The following RHOT2 variants were observed in gnomAD, a reference collection of about 807,000 sequenced individuals.
RHOT2 encodes the protein mitochondrial Rho GTPase 2.
In RHOT2, 90 loss-of-function variants were observed where a neutral mutation model predicts 81.6. That is an observed-to-expected ratio of 1.10 (90% CI 0.93 to 1.31). RHOT2 has a LOEUF of 1.31. Among genes scored for constraint, RHOT2 ranks in the 40% most tolerant of loss-of-function variants. RHOT2 has a pLI of 0.00. For missense variants in RHOT2, 1,014 were observed against 841.9 expected, an observed-to-expected ratio of 1.20 and a Z score of -2.53; for synonymous variants, 512 against 370.9, an observed-to-expected ratio of 1.38 and a Z score of -4.37.
At position 668,669 on chromosome 16, in the gene RHOT2, G is replaced by A. The variant is rs1331737616; in HGVS notation, c.192G>A (p.Thr64=). 6.2e-7 allele frequency: 1 copy of A among 1,605,454 alleles called. No homozygotes were observed. Among genetic ancestry groups the A allele is most frequent in the Non-Finnish European group, 8.5e-7 (1 of 1,177,112 alleles). ...HIVDYSEAEQ[T]DEELREEIHK... ...TTGTCCCCCTAGAAGCCGAGCAGAC[G>A]GACGAGGAGCTGCGGGAGGAGATCC... Residue 64 remains threonine, a synonymous_variant, in exon 4 of 19, where the codon ACG becomes ACA. Transcript: ENST00000315082.
rs929361240 is a variant in RHOT2 at position 672,700 on chromosome 16, C to T, written c.1405-3C>T. On this transcript the variant is annotated splice_region_variant and splice_polypyrimidine_tract_variant and intron_variant, in intron 16 of 18. Coordinates refer to ENST00000315082, the MANE Select transcript of RHOT2 (RefSeq NM_138769.3). ...CCCTTCCTAAGGCCGCTGTCTGTCC[C>T]AGCTCTGTGAGGTGGGCACAGATGG... The T allele has an allele frequency of 6.2e-7, 1 of 1,612,146 alleles. No homozygotes were observed. The highest frequency in any genetic ancestry group is 8.5e-7 in the Non-Finnish European group (1 of 1,179,958).
rs2038731363 is a variant in RHOT2 at position 670,452 on chromosome 16, C to T, written c.439-4C>T. Reference sequence around the variant, plus strand: ...CTTCCCTGAGGCTGTTCCCACTTTCCCAGTGTTCGGCCAAGAACCTGAGGA... The same window carrying T: ...CTTCCCTGAGGCTGTTCCCACTTTCTCAGTGTTCGGCCAAGAACCTGAGGA... On this transcript the variant is annotated splice_region_variant and splice_polypyrimidine_tract_variant and intron_variant, in intron 7 of 18. Transcript: ENST00000315082. 1.9e-6 allele frequency: 3 copies of T among 1,605,460 alleles called. No individual in the cohort carries two copies. Among genetic ancestry groups the T allele is most frequent in the South Asian group, 2.2e-5 (2 of 90,118 alleles).
rs758845247 is a variant in RHOT2, at chr16:672,534, G to A, written c.1372G>A (p.Val458Met). 6.2e-7 allele frequency: 1 copy of A among 1,612,638 alleles called. No individual in the cohort carries two copies. The highest frequency in any genetic ancestry group is 1.3e-5 in the African/African-American group (1 of 75,058). Reference sequence around the variant, plus strand: ...GCCTCCCGGCTACGCCATCGACACGGTGCAGGTCAATGGACAGGAGAAGTA... The same window carrying A: ...GCCTCCCGGCTACGCCATCGACACGATGCAGGTCAATGGACAGGAGAAGTA... ...EQPPGYAIDT[V>M]QVNGQEKYLI... Residue 458 changes from valine (V) to methionine (M), a missense_variant, in exon 16 of 19, where the codon GTG (valine) becomes ATG (methionine). Val to Met is a conservative substitution (Grantham distance 21). Transcript: ENST00000315082.
chr16:668,126 G>T (rs145507268), upstream of RHOT2: 5 of 417,934 alleles, frequency 1.2e-5, no homozygotes, highest in South Asian at 8.8e-5. Flanking sequence ...GGGCGGGCGC[G>T]GGGGCAGAGC....
rs773845136 is a variant in RHOT2, at chr16:671,064, C to G, written c.749-19C>G. On this transcript the variant is annotated intron_variant, in intron 10 of 18. Transcript: ENST00000315082. ...GAGGGGGCTGTGCCTGGTGCTCCCC[C>G]TGCTTTGTCTCGGTGCAGGTTTCCT... 1.2e-6 allele frequency: 2 copies of G among 1,608,750 alleles called. No homozygotes were observed. Among genetic ancestry groups the G allele is most frequent in the Non-Finnish European group, 8.5e-7 (1 of 1,179,666 alleles).
chr16:672,451 AC>A (rs1257682400), intron 15 of RHOT2, 37 bp from the exon 16 acceptor site: 1 of 1,611,552 alleles, frequency 6.2e-7, no homozygotes, highest in South Asian at 1.1e-5. Context: ...TCTGGGGGGC[AC>A]TGCAGCCAGC....
At position 672,384 on chromosome 16, in the gene RHOT2, G is replaced by A; in HGVS notation, c.1326G>A (p.Gly442=). ...FLQAFLGRGL[G]HQDTREQPPG... is the part of the protein sequence containing the mutation. The stretch of plus-strand genomic sequence containing the variant: ...AGGCCTTTCTCGGCCGCGGCCTGGG[G>A]GTAAGCACCCTAGACTCCCCCACCA... Residue 442 remains glycine, a splice_region_variant and synonymous_variant, in exon 15 of 19, where the codon GGG becomes GGA. Transcript: ENST00000315082. 6.2e-7 allele frequency: 1 copy of A among 1,609,490 alleles called. No homozygotes were observed. Among genetic ancestry groups the A allele is most frequent in the Non-Finnish European group, 8.5e-7 (1 of 1,178,008 alleles).
rs768002082 is a variant in RHOT2, at chr16:668,477, G to C, written c.97-11G>C. The C allele has an allele frequency of 1.9e-6, 3 of 1,599,678 alleles. No homozygotes were observed. The South Asian group carries it at 3.3e-5, about 18-fold the overall frequency. On this transcript the variant is annotated splice_polypyrimidine_tract_variant and intron_variant, in intron 2 of 18. Coordinates refer to ENST00000315082, the MANE Select transcript of RHOT2 (RefSeq NM_138769.3). ...CCGGGGGTCCCTGGTGAGCGCGCGG[G>C]TCCCTTGCAGGTCCCTCCCCGCGCG...
chr16:668,125 C>CG, upstream of RHOT2: 2 of 416,910 alleles, frequency 4.8e-6, no homozygotes, highest in Non-Finnish European at 8.4e-6. Flanking sequence ...GGGGCGGGCG[C>CG]GGGGGCAGAG....
At position 672,141 on chromosome 16, in the gene RHOT2, C is replaced by T. The variant is rs2039061746; in HGVS notation, c.1155C>T (p.Tyr385=). ...SCLGHLGYLG[Y]PTLCEQDQAH... is the part of the protein sequence containing the mutation. ...TTGGACACCTAGGCTACCTGGGCTACCCCACCCTCTGTGAGCAGGACCAGG... is the reference window on the plus strand; with the variant it reads ...TTGGACACCTAGGCTACCTGGGCTATCCCACCCTCTGTGAGCAGGACCAGG... Residue 385 remains tyrosine, a synonymous_variant, in exon 14 of 19, where the codon TAC becomes TAT. Transcript: ENST00000315082. The T allele has an allele frequency of 1.2e-6, 2 of 1,612,532 alleles. No individual in the cohort carries two copies. Among genetic ancestry groups the T allele is most frequent in the Non-Finnish European group, 1.7e-6 (2 of 1,179,920 alleles).
chr16:674,031 G>A lies in RHOT2; in HGVS notation c.*425G>A, dbSNP rs780570427. The stretch of plus-strand genomic sequence containing the variant: ...GCAGAGCTTTGGGCCAAAAGCAGGC[G>A]TTGGGGGGTCCCCCCTCAAGTTTGG... On this transcript the variant is annotated 3_prime_UTR_variant, in exon 19 of 19. Coordinates refer to ENST00000315082, the MANE Select transcript of RHOT2 (RefSeq NM_138769.3). 32 of 306,262 alleles carry A rather than the reference G, an allele frequency of 1.0e-4. No homozygotes were observed. Among genetic ancestry groups the A allele is most frequent in the Non-Finnish European group, 1.7e-4 (26 of 152,658 alleles). The allele number at this position is 306,262 out of a possible 1,614,324, so 19.0% of individuals were successfully genotyped here. A position where few individuals can be genotyped will look rare whatever the true frequency, so the allele number is the denominator to read the frequency against.
rs764061481 is a variant in RHOT2, at chr16:670,970, G to A, written c.718G>A (p.Gly240Ser). ...GGTGGTGTGCAGGAACGTGGCGGGCGGCGTGCGGGAGGACCGGCTGACCCT... is the reference window on the plus strand; with the variant it reads ...GGTGGTGTGCAGGAACGTGGCGGGCAGCGTGCGGGAGGACCGGCTGACCCT... ...KTVVCRNVAG[G>S]VREDRLTLDG... Residue 240 changes from glycine (G) to serine (S), a missense_variant, in exon 10 of 19, where the codon GGC (glycine) becomes AGC (serine). Transcript: ENST00000315082. 4 of 1,568,688 alleles carry A rather than the reference G, an allele frequency of 2.5e-6. No individual in the cohort carries two copies. The African/African-American group carries it at 4.0e-5, about 16-fold the overall frequency.
rs1165495789 is a variant in RHOT2, at chr16:668,705, C to G, written c.222+6C>G. 11 of 1,592,610 alleles carry G rather than the reference C, an allele frequency of 6.9e-6. No individual in the cohort carries two copies. Among genetic ancestry groups the G allele is most frequent in the Middle Eastern group, 1.7e-4 (1 of 6,012 alleles). ...TGCGGGAGGAGATCCACAAGGTACC[C>G]GTGGTGCGCGGGACGAGGGAGGGGC... is the stretch of plus-strand genomic sequence containing the variant. On this transcript the variant is annotated splice_donor_region_variant and intron_variant, in intron 4 of 18. Transcript: ENST00000315082.
In RHOT2 at chr16:670,127, G is replaced by T; in HGVS notation, c.281G>T (p.Arg94Leu). 1.3e-6 allele frequency: 2 copies of T among 1,568,814 alleles called. No individual in the cohort carries two copies. Among genetic ancestry groups the T allele is most frequent in the South Asian group, 2.3e-5 (2 of 85,722 alleles). ...CAGCCAGGCTTTGCTTTTCAGATTCGAACTAAGTGGATCCCACTGGTGAAT... is the reference window on the plus strand; with the variant it reads ...CAGCCAGGCTTTGCTTTTCAGATTCTAACTAAGTGGATCCCACTGGTGAAT... ...VSEEATIEKI[R>L]TKWIPLVNGG... The change falls in exon 6 of 19, where the codon CGA becomes CTA. Residue 94 changes from arginine (R) to leucine (L), a missense_variant. Physicochemically the swap from Arg to Leu is moderately radical, Grantham distance 102. Coordinates refer to ENST00000315082, the MANE Select transcript of RHOT2 (RefSeq NM_138769.3).
At chr16:670,205 C>T (rs1487760138) in intron 6 of RHOT2, 30 bp downstream of exon 6, 1 of 1,610,796 alleles carries the variant, frequency 6.2e-7, no homozygotes, top group Admixed American at 1.7e-5. Context: ...GGGGCTGGGA[C>T]CCCTGGCTCC....
At position 671,157 on chromosome 16, in the gene RHOT2, G is replaced by A. The variant is rs767648038; in HGVS notation, c.823G>A (p.Gly275Ser). 4.5e-5 allele frequency: 71 copies of A among 1,594,272 alleles called. No individual in the cohort carries two copies. In the Admixed American group the frequency reaches 4.5e-4, roughly 10 times the overall value. The change falls in exon 11 of 19, where the codon GGC (glycine) becomes AGC (serine). Residue 275 changes from glycine (G) to serine (S), a missense_variant. Gly to Ser is a moderately conservative substitution (Grantham distance 56). Coordinates refer to ENST00000315082, the MANE Select transcript of RHOT2 (RefSeq NM_138769.3). ...CACCTGGACCATCCTGCGGCGCTTC[G>A]GCTACAGCGATGCCCTGGAGCTGAC... ...ETTWTILRRF[G>S]YSDALELTAD...
In RHOT2 at chr16:672,278, A is replaced by G; in HGVS notation, c.1220A>G (p.Gln407Arg). ...GTCACTCGTGAGAAGAGGCTGGACC[A>G]GGAGAAGGGACAGACGCAGCGGAGC... ...ITVTREKRLD[Q>R]EKGQTQRSVL... Residue 407 changes from glutamine to arginine, a missense_variant, in exon 15 of 19, where the codon CAG becomes CGG. Coordinates refer to ENST00000315082, the MANE Select transcript of RHOT2 (RefSeq NM_138769.3). 6.2e-7 allele frequency: 1 copy of G among 1,611,978 alleles called. No individual in the cohort carries two copies. Among genetic ancestry groups the G allele is most frequent in the Non-Finnish European group, 8.5e-7 (1 of 1,179,408 alleles).
intron 14 of RHOT2, 23 bp from the exon 15 acceptor site, chr16:672,231 C>T (rs769662131): frequency 3.7e-6 from 6 of 1,611,778 alleles, no homozygotes; most frequent in Admixed American, 1.7e-5. Context: ...GGCAGCTGCC[C>T]TAACCCGTGT....
chr16:673,348 C>T, intron 18 of RHOT2, 132 bp from the exon 19 acceptor site: 2 of 1,413,684 alleles, frequency 1.4e-6, no homozygotes, highest in Middle Eastern at 2.1e-4. Flanking sequence ...AGGGCCTGGC[C>T]TCCACCGGCT....
Sources: allele counts gnomAD v4.1 joint callset, GRCh38; gene constraint gnomAD v4.1.1; transcripts MANE v1.5; gene names NCBI Gene and HGNC (gene_info 2026-07-23, HGNC 2026-07-21).